DTNB: variants seen among roughly 807,000 people sequenced by gnomAD.
DTNB encodes DTN-B.
DTNB carries 63 observed loss-of-function variants against 90.7 expected under a neutral mutation model. That is an observed-to-expected ratio of 0.69 (90% CI 0.57 to 0.86). The LOEUF is 0.86. Ranked by LOEUF, DTNB falls within the 40% of genes least tolerant of loss-of-function variation. The pLI is 0.00. For missense variants in DTNB, 744 were observed against 807.1 expected, an observed-to-expected ratio of 0.92 and a Z score of 0.95; for synonymous variants, 277 against 286.7, an observed-to-expected ratio of 0.97 and a Z score of 0.34.
intron 10 of DTNB, among the ~76,000 whole-genome samples, chr2:25,459,381 T>C (rs1163702819): frequency 6.6e-6 from 1 of 152,212 alleles, no homozygotes; most frequent in South Asian, 2.1e-4. Context: ...AGTCCATCCA[T>C]TGAATTTTTC....
chr2:25,543,452 G>A lies in DTNB; in HGVS notation c.877-11855C>T, dbSNP rs6707491. The stretch of plus-strand genomic sequence containing the variant: ...CCCGAGTAACTGGGATTAGAGGTGC[G>A]CGCCACCACGCCCAGCTAATTTTTG... On this transcript the variant is annotated intron_variant, in intron 8 of 20. Transcript: ENST00000406818. 4.3e-3 allele frequency among the ~76,000 whole-genome samples: 657 copies of A among 151,962 alleles called. 4 individuals are homozygous for A. Among genetic ancestry groups the A allele is most frequent in the African/African-American group, 0.015 (607 of 41,458 alleles).
intron 10 of DTNB, among the ~76,000 whole-genome samples, chr2:25,482,371 A>T (rs1019577021): frequency 2.0e-5 from 3 of 152,168 alleles, no homozygotes; most frequent in African/African-American, 4.8e-5. Context: ...TTCAGGAGAA[A>T]ATTTTATAAG....
intron 9 of DTNB, 119 bp from the exon 10 acceptor site, chr2:25,482,992 A>C: frequency 3.4e-6 from 3 of 888,262 alleles, no homozygotes; most frequent in Non-Finnish European, 4.5e-6. Flanking sequence ...GCACAGACGG[A>C]CCCATGGGGA....
intron 16 of DTNB, among the ~76,000 whole-genome samples, chr2:25,390,601 C>T (rs2040828180): frequency 6.6e-6 from 1 of 151,510 alleles, no homozygotes; most frequent in South Asian, 2.1e-4. Flanking sequence ...GTGTGTGCCA[C>T]CATGCCTGGC....
chr2:25,639,857 G>T (rs2077868382), intron 2 of DTNB, among the ~76,000 whole-genome samples: 1 of 152,212 alleles, frequency 6.6e-6, no homozygotes, highest in Non-Finnish European at 1.5e-5. Context: ...ATGCCATACC[G>T]TGAGAAAGCC....
chr2:25,538,768 A>G (rs1268021033), intron 8 of DTNB, among the ~76,000 whole-genome samples: 1 of 152,086 alleles, frequency 6.6e-6, no homozygotes, highest in Admixed American at 6.6e-5. Flanking sequence ...TACAGTTTTA[A>G]AAGTTATAAA....
intron 4 of DTNB, among the ~76,000 whole-genome samples, chr2:25,623,496 G>A (rs539933018): frequency 9.9e-5 from 15 of 152,222 alleles, no homozygotes; most frequent in Non-Finnish European, 1.6e-4. Context: ...ATTAGTTTGG[G>A]CTCAGAGCCC....
intron 9 of DTNB, among the ~76,000 whole-genome samples, chr2:25,508,140 A>T (rs1291269752): frequency 6.6e-6 from 1 of 152,174 alleles, no homozygotes; most frequent in Non-Finnish European, 1.5e-5. Context: ...TTATTTATTT[A>T]TTAAGATTTT....
chr2:25,475,703 C>T (rs2063608224), intron 10 of DTNB, among the ~76,000 whole-genome samples: 1 of 152,198 alleles, frequency 6.6e-6, no homozygotes, highest in African/African-American at 2.4e-5. Flanking sequence ...AAAGGACAGG[C>T]TGATTCTCTT....
intron 4 of DTNB, among the ~76,000 whole-genome samples, chr2:25,616,934 AAAAAAAAAAAAAAAAAAAGG>A (rs1202436212): frequency 1.5e-5 from 1 of 68,412 alleles, no homozygotes; most frequent in South Asian, 5.5e-4. Context: ...CCCGTCTCAA[AAAAAAAAAAAAAAAAAAAGG>A]AAAAAAAAGA....
chr2:25,612,657 C>A (rs2068952458), intron 4 of DTNB, among the ~76,000 whole-genome samples: 1 of 151,682 alleles, frequency 6.6e-6, no homozygotes, highest in South Asian at 2.1e-4. Context: ...TTGAATGGAT[C>A]AATAACAATA....
At chr2:25,513,294 TA>T (rs2150710858) in intron 9 of DTNB, among the ~76,000 whole-genome samples, 1 of 152,282 alleles carries the variant, frequency 6.6e-6, no homozygotes, top group African/African-American at 2.4e-5. Context: ...AGGGAAGAAA[TA>T]AATGTCAAAG....
chr2:25,508,797 G>C (rs1451358518), intron 9 of DTNB, among the ~76,000 whole-genome samples: 3 of 152,104 alleles, frequency 2.0e-5, no homozygotes, highest in African/African-American at 7.2e-5. Context: ...GCCTCCCAAA[G>C]TGCTGGGATT....
chr2:25,455,263 T>G (rs2150153463), intron 11 of DTNB, 142 bp downstream of exon 11: 1 of 756,870 alleles, frequency 1.3e-6, no homozygotes, highest in African/African-American at 1.8e-5. Flanking sequence ...TAGCAACTAT[T>G]TTAACTCTGC....
chr2:25,654,122 G>C (rs1320904403), intron 1 of DTNB, among the ~76,000 whole-genome samples: 1 of 152,140 alleles, frequency 6.6e-6, no homozygotes, highest in Non-Finnish European at 1.5e-5. Flanking sequence ...AAGGCTACAG[G>C]GACTGATAAG....
chr2:25,465,881 T>C (rs1468092794), intron 10 of DTNB, among the ~76,000 whole-genome samples: 1 of 152,238 alleles, frequency 6.6e-6, no homozygotes, highest in African/African-American at 2.4e-5. Flanking sequence ...TTTTCTGTCT[T>C]CTTTGCTAGA....
At chr2:25,492,623 GGA>G (rs925375868) in intron 9 of DTNB, among the ~76,000 whole-genome samples, 2 of 152,106 alleles carry the variant, frequency 1.3e-5, no homozygotes, top group Admixed American at 1.3e-4. Flanking sequence ...CACCACTTTG[GGA>G]GGCCGAGGCA....
At chr2:25,381,991 T>C (rs2037921018) in intron 19 of DTNB, among the ~76,000 whole-genome samples, 1 of 152,252 alleles carries the variant, frequency 6.6e-6, no homozygotes, top group Non-Finnish European at 1.5e-5. Context: ...ACTTGGCTTC[T>C]ACCCTTCCTT....
intron 4 of DTNB, among the ~76,000 whole-genome samples, chr2:25,627,570 T>A (rs960481540): frequency 2.6e-5 from 4 of 152,062 alleles, no homozygotes; most frequent in Non-Finnish European, 4.4e-5. Flanking sequence ...AACTTAGTGT[T>A]TTTCATGAGC....
Sources: gnomAD v4.1 joint callset for allele counts (sites outside exome capture counted in the v4.1 genomes callset) on GRCh38, gnomAD v4.1.1 for gene constraint, MANE v1.5 for transcripts, NCBI Gene and HGNC (gene_info 2026-07-23, HGNC 2026-07-21) for gene names.